The following SEL1L2 variants were observed in gnomAD, a reference collection of about 807,000 sequenced individuals.
SEL1L2 encodes the protein SEL1L2 adaptor subunit of SYVN1 ubiquitin ligase.
In SEL1L2, 89 loss-of-function variants were observed where a neutral mutation model predicts 98.8. The observed-to-expected ratio is 0.90, with a 90% CI of 0.76 to 1.07. The LOEUF (loss-of-function observed/expected upper bound fraction) is 1.07, where lower values mean the gene tolerates loss of function less well. Ranked by LOEUF, SEL1L2 falls within the 50% of genes least tolerant of loss-of-function variation. SEL1L2 has a pLI of 0.00. For missense variants in SEL1L2, 788 were observed against 812.0 expected (o/e 0.97, Z 0.36); for synonymous variants, 262 against 278.5 (o/e 0.94, Z 0.59).
intron 3 of SEL1L2, among the ~76,000 whole-genome samples, chr20:13,919,772 A>G (rs1203910340): frequency 6.6e-6 from 1 of 151,820 alleles, no homozygotes; most frequent in Non-Finnish European, 1.5e-5. Flanking sequence ...CTGAAAATAC[A>G]AAAATTAGCC....
intron 2 of SEL1L2, among the ~76,000 whole-genome samples, chr20:13,946,965 G>A (rs1338782332): frequency 1.3e-5 from 2 of 152,208 alleles, no homozygotes; most frequent in East Asian, 3.9e-4. Context: ...TACTGAGGAT[G>A]GCTCAATGCA....
chr20:13,968,137 T>C (rs1436150905), intron 1 of SEL1L2, among the ~76,000 whole-genome samples: 1 of 152,256 alleles, frequency 6.6e-6, no homozygotes, highest in Admixed American at 6.5e-5. Context: ...AGTGCAAAGA[T>C]AGCAAAATTT....
At chr20:13,874,109 G>A (rs189256706) in intron 12 of SEL1L2, among the ~76,000 whole-genome samples, 6 of 152,286 alleles carry the variant, frequency 3.9e-5, no homozygotes, top group Admixed American at 2.0e-4. Flanking sequence ...CAAAAGTATG[G>A]AGATGGGGAC....
chr20:13,946,979 C>T (rs2050041683), intron 2 of SEL1L2, among the ~76,000 whole-genome samples: 2 of 152,176 alleles, frequency 1.3e-5, no homozygotes, highest in Admixed American at 6.5e-5. Context: ...CAATGCAGGC[C>T]TGCAGGTGCC....
In SEL1L2 at chr20:13,896,513, C is replaced by G. The variant is rs557864134; in HGVS notation, c.550-8001G>C. 3.4e-5 allele frequency among the ~76,000 whole-genome samples: 5 copies of G among 149,218 alleles called. No individual in the cohort carries two copies. In the East Asian group the frequency reaches 1.0e-3, roughly 30 times the overall value. ...AACAAATAAACAAACAACTCCCCCC[C>G]CCCCCACACACAAAAAACTAATAAA... On this transcript the variant is annotated intron_variant, in intron 5 of 19. Transcript: ENST00000284951.
rs5840588 is a variant in SEL1L2 at position 13,917,786 on chromosome 20, C to CTTTTTTTTTTTTTTTTTTTT, written c.386+1215_386+1234dup. Among the ~76,000 whole-genome samples the CTTTTTTTTTTTTTTTTTTTT allele has an allele frequency of 1.1e-3, 55 of 50,102 alleles. 4 individuals are homozygous for CTTTTTTTTTTTTTTTTTTTT. The highest frequency in any genetic ancestry group is 1.8e-3 in the African/African-American group (20 of 11,022). The allele number at this position is 50,102 out of a possible 152,430, so 32.9% of individuals were successfully genotyped here. The stretch of plus-strand genomic sequence containing the variant: ...CCATACTTTCTTTATTTCTTTCTTT[C>CTTTTTTTTTTTTTTTTTTTT]TTTTTTTTTTTTTTTTTTTTTTTTT... On this transcript the variant is annotated intron_variant, in intron 4 of 19. Coordinates refer to ENST00000284951, the MANE Select transcript of SEL1L2 (RefSeq NM_025229.2).
At chr20:13,963,391 CAAAAAAAAAA>C (rs67070339) in intron 1 of SEL1L2, among the ~76,000 whole-genome samples, 120 of 48,202 alleles carry the variant, frequency 2.5e-3, no homozygotes, top group African/African-American at 8.7e-3. Context: ...TCTGGAGCAG[CAAAAAAAAAA>C]AAAAAAAAAA....
At chr20:13,953,677 C>A (rs1476348462) in intron 2 of SEL1L2, among the ~76,000 whole-genome samples, 2 of 152,108 alleles carry the variant, frequency 1.3e-5, no homozygotes, top group Non-Finnish European at 2.9e-5. Context: ...TTTGTGAGCC[C>A]ACTGGCAGGA....
At chr20:13,857,485 C>A (rs1159713844) in intron 18 of SEL1L2, among the ~76,000 whole-genome samples, 1 of 152,236 alleles carries the variant, frequency 6.6e-6, no homozygotes, top group Non-Finnish European at 1.5e-5. Context: ...TGGGCACTGG[C>A]CAGCAGTGTG....
chr20:13,993,781 G>T (rs925210324), upstream of SEL1L2, among the ~76,000 whole-genome samples: 2 of 152,000 alleles, frequency 1.3e-5, no homozygotes, highest in African/African-American at 4.8e-5. Flanking sequence ...TTGCTATTTT[G>T]CCCCCTTACC....
In SEL1L2 at chr20:13,931,645, CT is replaced by C; in HGVS notation, c.240del (p.Gly81GlufsTer8). The C allele has an allele frequency of 6.8e-7, 1 of 1,474,810 alleles. No homozygotes were observed. Among genetic ancestry groups the C allele is most frequent in the Admixed American group, 2.1e-5 (1 of 47,866 alleles). The allele number at this position is 1,474,810 out of a possible 1,614,324, so 91.4% of individuals were successfully genotyped here. On this transcript the variant is annotated frameshift_variant, in exon 3 of 20. Transcript: ENST00000284951. LOFTEE classifies it high-confidence loss of function. The stretch of plus-strand genomic sequence containing the variant: ...TTCAAGATATCTTTATTTTGAATTC[CT>C]TTTATTCTTATTTTACGTTGATTCT... ...KKKNQRKIRI[K>X]GIQNKDILKR...
chr20:13,992,938 C>T (rs867738524), upstream of SEL1L2, among the ~76,000 whole-genome samples: 8 of 152,248 alleles, frequency 5.3e-5, no homozygotes, highest in Middle Eastern at 6.8e-3. Context: ...TTAATTACTT[C>T]GTAAAGACCT....
At chr20:13,884,079 A>AC (rs1200743087) in intron 10 of SEL1L2, among the ~76,000 whole-genome samples, 1 of 152,240 alleles carries the variant, frequency 6.6e-6, no homozygotes, top group African/African-American at 2.4e-5. Context: ...TTCGACATTT[A>AC]CCTGATGTTT....
intron 10 of SEL1L2, among the ~76,000 whole-genome samples, chr20:13,882,670 A>G (rs2046760194): frequency 5.3e-5 from 8 of 152,210 alleles, no homozygotes; most frequent in Admixed American, 5.2e-4. Flanking sequence ...CCCAGATCAG[A>G]ATTGCTCAGC....
At chr20:13,854,921 C>G (rs773299929) in intron 18 of SEL1L2, among the ~76,000 whole-genome samples, 62 of 152,010 alleles carry the variant, frequency 4.1e-4, no homozygotes, top group Middle Eastern at 3.4e-3. Context: ...CATAGTGGTG[C>G]GTGCCTGTAG....
intron 12 of SEL1L2, among the ~76,000 whole-genome samples, chr20:13,870,475 C>T (rs2046132420): frequency 6.6e-6 from 1 of 152,158 alleles, no homozygotes; most frequent in South Asian, 2.1e-4. Context: ...CCATAGTAGG[C>T]ACTGGGCAGA....
intron 10 of SEL1L2, among the ~76,000 whole-genome samples, chr20:13,881,854 T>G (rs756118164): frequency 8.5e-5 from 13 of 152,200 alleles, no homozygotes; most frequent in Non-Finnish European, 1.6e-4. Context: ...CAAGTGGTGG[T>G]CTTCAGGCTG....
chr20:13,854,563 C>G lies in SEL1L2; in HGVS notation c.1819-4244G>C, dbSNP rs757622716. 7.2e-5 allele frequency among the ~76,000 whole-genome samples: 11 copies of G among 152,138 alleles called. 1 individual carries two copies. In the South Asian group the frequency reaches 1.7e-3, roughly 23 times the overall value. ...TACATGACTGTCATTTTAGGCTTAA[C>G]TATAGCTATGGACAAGTCTCTTCTG... On this transcript the variant is annotated intron_variant, in intron 18 of 19. Coordinates refer to ENST00000284951, the MANE Select transcript of SEL1L2 (RefSeq NM_025229.2).
chr20:13,896,474 C>CA (rs2047430332), intron 5 of SEL1L2, among the ~76,000 whole-genome samples: 1 of 149,094 alleles, frequency 6.7e-6, no homozygotes, highest in African/African-American at 2.5e-5. Context: ...AGTCTCAAAA[C>CA]AAAAACAAAA....
Sources: gnomAD v4.1 joint callset for allele counts (sites outside exome capture counted in the v4.1 genomes callset) on GRCh38, gnomAD v4.1.1 for gene constraint, MANE v1.5 for transcripts, NCBI Gene and HGNC (gene_info 2026-07-23, HGNC 2026-07-21) for gene names.